Variants in KIF21A observed in about 807,000 individuals in gnomAD.
KIF21A encodes kinesin-like protein KIF21A.
A neutral mutation model predicts 202.9 loss-of-function variants in KIF21A; 114 were observed. The observed-to-expected ratio is 0.56, with a 90% CI of 0.48 to 0.66. KIF21A has a LOEUF of 0.66. Among genes scored for constraint, KIF21A ranks in the 30% least tolerant of loss-of-function variants. KIF21A has a pLI of 0.00. For synonymous variants in KIF21A, 667 were observed against 670.8 expected (o/e 0.99, Z 0.09); for missense variants, 1,677 against 1,994.9 (o/e 0.84, Z 3.04).
chr12:39,380,248 G>A lies in KIF21A; in HGVS notation c.45-9987C>T, dbSNP rs1032213068. ...CTCCCAAAATACTCGGGTTACAGGC[G>A]TGAGCCACCGCTCCCGGCCTAACAA... On this transcript the variant is annotated intron_variant, in intron 1 of 37. Coordinates refer to ENST00000361418, the MANE Select transcript of KIF21A (RefSeq NM_001173464.2). Among the ~76,000 whole-genome samples, 7 of 152,214 alleles carry A rather than the reference G, an allele frequency of 4.6e-5. No individual in the cohort carries two copies. The East Asian group carries it at 5.8e-4, about 13-fold the overall frequency.
intron 7 of KIF21A, 90 bp downstream of exon 7, chr12:39,363,008 C>T (rs1249523828): frequency 3.6e-6 from 3 of 845,014 alleles, no homozygotes; most frequent in Non-Finnish European, 4.1e-6. Context: ...GTTTGCTTTG[C>T]AATAAAAGTA....
At chr12:39,373,090 T>A (rs1473621090) in intron 1 of KIF21A, among the ~76,000 whole-genome samples, 1 of 152,190 alleles carries the variant, frequency 6.6e-6, no homozygotes, top group African/African-American at 2.4e-5. Context: ...CACCAACCTG[T>A]TCCACACACT....
At chr12:39,356,684 A>G (rs183959781) in intron 10 of KIF21A, 148 bp downstream of exon 10, 109 of 531,546 alleles carry the variant, frequency 2.1e-4, no homozygotes, top group African/African-American at 1.9e-3. Flanking sequence ...AAAGGTAAGT[A>G]AAGAATCTCC....
At position 39,332,614 on chromosome 12, in the gene KIF21A, C is replaced by A. The variant is rs1056598799; in HGVS notation, c.2833G>T (p.Ala945Ser). ...MQKMTISNMEADMNRLLKQRE... is the reference protein window; with the variant it reads ...MQKMTISNMESDMNRLLKQRE... Reference sequence around the variant, plus strand: ...ACCTTGAGGAGTCTATTCATATCTGCCTCCATGTTGGAAATGGTCATCTTC... The same window carrying A: ...ACCTTGAGGAGTCTATTCATATCTGACTCCATGTTGGAAATGGTCATCTTC... The change falls in exon 20 of 38, where the codon GCA becomes TCA. Residue 945 changes from alanine to serine, a missense_variant. Ala to Ser is a moderately conservative substitution (Grantham distance 99). Coordinates refer to ENST00000361418, the MANE Select transcript of KIF21A (RefSeq NM_001173464.2). 2 of 1,613,808 alleles carry A rather than the reference C, an allele frequency of 1.2e-6. No individual in the cohort carries two copies. Among genetic ancestry groups the A allele is most frequent in the South Asian group, 1.1e-5 (1 of 91,072 alleles).
At chr12:39,328,850 T>C (rs974762041) in intron 24 of KIF21A, among the ~76,000 whole-genome samples, 3 of 152,220 alleles carry the variant, frequency 2.0e-5, no homozygotes, top group Admixed American at 6.5e-5. Flanking sequence ...AGCTTAAATG[T>C]CATCTCCTCC....
chr12:39,313,323 A>T (rs1944213488), intron 31 of KIF21A, among the ~76,000 whole-genome samples: 1 of 151,916 alleles, frequency 6.6e-6, no homozygotes, highest in Admixed American at 6.6e-5. Context: ...CATTAAGCAA[A>T]TCATTATCCA....
At chr12:39,319,402 A>C (rs1944956122) in intron 28 of KIF21A, among the ~76,000 whole-genome samples, 1 of 152,218 alleles carries the variant, frequency 6.6e-6, no homozygotes, top group Non-Finnish European at 1.5e-5. Context: ...AAACACACAG[A>C]AGAAACATTG....
intron 33 of KIF21A, 106 bp from the exon 34 acceptor site, chr12:39,307,835 T>C (rs1337094182): frequency 2.3e-6 from 2 of 862,946 alleles, no homozygotes. Flanking sequence ...ACAAGAACAG[T>C]GTCCTTTTGT....
intron 11 of KIF21A, among the ~76,000 whole-genome samples, chr12:39,350,743 C>T (rs1948305374): frequency 6.6e-6 from 1 of 151,948 alleles, no homozygotes; most frequent in Admixed American, 6.6e-5. Flanking sequence ...TGTATAATTC[C>T]TTGCTTTAAT....
At chr12:39,438,759 C>T (rs556208716) in intron 1 of KIF21A, among the ~76,000 whole-genome samples, 23 of 152,072 alleles carry the variant, frequency 1.5e-4, no homozygotes, top group Non-Finnish European at 2.6e-4. Context: ...AAACTCTTGA[C>T]ATATTTTGCA....
intron 1 of KIF21A, among the ~76,000 whole-genome samples, chr12:39,408,784 G>A (rs1236600908): frequency 1.3e-5 from 2 of 151,454 alleles, no homozygotes; most frequent in African/African-American, 4.9e-5. Flanking sequence ...AAGAGAATGT[G>A]GCAGAAGCAA....
At chr12:39,373,509 G>A (rs1169458307) in intron 1 of KIF21A, among the ~76,000 whole-genome samples, 1 of 152,008 alleles carries the variant, frequency 6.6e-6, no homozygotes, top group Non-Finnish European at 1.5e-5. Context: ...CCAGCTTTAT[G>A]GCTGCTATAC....
chr12:39,297,452 T>C (rs1193778113), intron 37 of KIF21A, among the ~76,000 whole-genome samples: 3 of 151,724 alleles, frequency 2.0e-5, no homozygotes, highest in African/African-American at 2.4e-5. Flanking sequence ...ATGGATGAAA[T>C]TGGAAATCAT....
intron 17 of KIF21A, among the ~76,000 whole-genome samples, chr12:39,336,854 C>T (rs957230477): frequency 2.6e-5 from 4 of 152,158 alleles, no homozygotes; most frequent in African/African-American, 9.7e-5. Flanking sequence ...ACTTCTATGT[C>T]ATCATCTGGA....
At chr12:39,395,466 T>A (rs1333765660) in intron 1 of KIF21A, among the ~76,000 whole-genome samples, 22 of 152,010 alleles carry the variant, frequency 1.4e-4, no homozygotes, top group Admixed American at 1.4e-3. Context: ...TACCGCCATA[T>A]TTCCATAGCA....
intron 32 of KIF21A, among the ~76,000 whole-genome samples, chr12:39,310,889 T>C (rs906473186): frequency 2.0e-5 from 3 of 152,090 alleles, no homozygotes; most frequent in African/African-American, 7.2e-5. Flanking sequence ...CTAATCCTTG[T>C]TCTTCCACTT....
Position 39,294,199 on chromosome 12 carries a change from T to A in KIF21A, c.*225A>T. 1 of 459,592 alleles carries A rather than the reference T, an allele frequency of 2.2e-6. No individual in the cohort carries two copies. The allele number at this position is 459,592 out of a possible 1,614,324, so 28.5% of individuals were successfully genotyped here. On this transcript the variant is annotated 3_prime_UTR_variant, in exon 38 of 38. Coordinates refer to ENST00000361418, the MANE Select transcript of KIF21A (RefSeq NM_001173464.2). ...CACAATAAAAGTGTGAATAAAGCAA[T>A]ATATCAATTGTAGGATATATATCTA...
rs1942027923 is a variant in KIF21A at position 39,293,457 on chromosome 12, GATAGTCTCTCT to G, written c.*956_*966del. ...AAAAATTCATACAGGCACAACACAA[GATAGTCTCTCT>G]ATACAATCTACCTATTTACATAGCT... is the stretch of plus-strand genomic sequence containing the variant. On this transcript the variant is annotated 3_prime_UTR_variant, in exon 38 of 38. Transcript: ENST00000361418. The G allele has an allele frequency of 6.6e-6, 1 of 152,516 alleles. No homozygotes were observed. Among genetic ancestry groups the G allele is most frequent in the Admixed American group, 6.6e-5 (1 of 15,266 alleles). The allele number at this position is 152,516 out of a possible 1,614,324, so 9.4% of individuals were successfully genotyped here. A position where few individuals can be genotyped will look rare whatever the true frequency, so the allele number is the denominator to read the frequency against.
rs979789563 is a variant in KIF21A at position 39,438,952 on chromosome 12, T to A, written c.44+3975A>T. On this transcript the variant is annotated intron_variant, in intron 1 of 37. Transcript: ENST00000361418. ...TTAGATAATAAGAATAGATTCTACA[T>A]TGTACTTTATTGTTCATTTTTGTTG... 5.9e-5 allele frequency among the ~76,000 whole-genome samples: 9 copies of A among 152,340 alleles called. No individual in the cohort carries two copies. The East Asian group carries it at 1.7e-3, about 29-fold the overall frequency.
Sources: gnomAD v4.1 joint callset for allele counts (sites outside exome capture counted in the v4.1 genomes callset) on GRCh38, gnomAD v4.1.1 for gene constraint, MANE v1.5 for transcripts, NCBI Gene and HGNC (gene_info 2026-07-23, HGNC 2026-07-21) for gene names.